The following SCAF8 variants were observed in gnomAD, a reference collection of about 807,000 sequenced individuals.
SCAF8 encodes the protein SR-related CTD associated factor 8, also known as SR-related and CTD-associated factor 8.
In SCAF8, 23 loss-of-function variants were observed where a neutral mutation model predicts 140.5. The observed-to-expected ratio is 0.16, with a 90% CI of 0.12 to 0.23. The LOEUF is 0.23. Ranked by LOEUF, SCAF8 falls within the 10% of genes least tolerant of loss-of-function variation. SCAF8 has a pLI of 1.00. For synonymous variants in SCAF8, 575 were observed against 528.9 expected (o/e 1.09, Z -1.20); for missense variants, 1,397 against 1,555.7 (o/e 0.90, Z 1.72).
chr6:154,824,502 C>G, intron 17 of SCAF8, 124 bp downstream of exon 17: 1 of 839,530 alleles, frequency 1.2e-6, no homozygotes, highest in Non-Finnish European at 1.9e-6. Flanking sequence ...CTTGTTAAAG[C>G]GCAGATTGCT....
chr6:154,779,090 T>A (rs1205263317), intron 3 of SCAF8, among the ~76,000 whole-genome samples: 1 of 152,170 alleles, frequency 6.6e-6, no homozygotes, highest in Non-Finnish European at 1.5e-5. Context: ...TGGAGTGCAG[T>A]ATCAAGATTT....
intron 1 of SCAF8, among the ~76,000 whole-genome samples, chr6:154,740,701 A>ACCTCTG (rs926067281): frequency 6.6e-6 from 1 of 150,800 alleles, no homozygotes; most frequent in Admixed American, 6.6e-5. Context: ...GCTCACTGCA[A>ACCTCTG]CCTCTGCCTC....
chr6:154,757,699 TAGG>T (rs1287427416), intron 1 of SCAF8, among the ~76,000 whole-genome samples: 2 of 152,126 alleles, frequency 1.3e-5, no homozygotes, highest in Non-Finnish European at 2.9e-5. Flanking sequence ...GATGGAAAGA[TAGG>T]AGGGATAGAT....
rs1300392608 is a variant in SCAF8, at chr6:154,833,195, C to A, written c.3616C>A (p.Arg1206=). The change falls in exon 20 of 20, where the codon CGA becomes AGA. Residue 1206 remains arginine (R), a synonymous_variant. Transcript: ENST00000367178. ...TTATTTTGAAGGGGCCACTTCTCAA[C>A]GAAAAGGTGATAATGTGCCTCAGGT... ...FDYFEGATSQ[R]KGDNVPQVNG... 6.2e-7 allele frequency: 1 copy of A among 1,613,986 alleles called. No homozygotes were observed. Among genetic ancestry groups the A allele is most frequent in the South Asian group, 1.1e-5 (1 of 91,072 alleles).
At chr6:154,733,981 C>A (rs765998826) in intron 1 of SCAF8, 51 bp downstream of exon 1, 2 of 1,478,196 alleles carry the variant, frequency 1.4e-6, no homozygotes, top group African/African-American at 1.5e-5. Flanking sequence ...GCCCCCACCC[C>A]TGGTCGAGGC....
Position 154,833,091 on chromosome 6 carries a change from G to C in SCAF8, c.3512G>C (p.Arg1171Thr). 3.1e-6 allele frequency: 5 copies of C among 1,614,118 alleles called. No homozygotes were observed. The highest frequency in any genetic ancestry group is 4.2e-6 in the Non-Finnish European group (5 of 1,180,004). ...DRDDRDFDFC[R>T]EMNGNRLGRD... Reference sequence around the variant, plus strand: ...GATGACAGAGATTTTGATTTCTGCAGAGAAATGAATGGAAATCGTCTTGGA... The same window carrying C: ...GATGACAGAGATTTTGATTTCTGCACAGAAATGAATGGAAATCGTCTTGGA... Residue 1171 changes from arginine (R) to threonine (T), a missense_variant, in exon 20 of 20, where the codon AGA becomes ACA. Coordinates refer to ENST00000367178, the MANE Select transcript of SCAF8 (RefSeq NM_014892.5).
chr6:154,815,428 C>T (rs920072117), intron 12 of SCAF8, among the ~76,000 whole-genome samples: 7 of 152,178 alleles, frequency 4.6e-5, no homozygotes, highest in African/African-American at 1.4e-4. Flanking sequence ...CACTGCATGC[C>T]ACTCATCCTC....
At chr6:154,805,271 T>G in intron 8 of SCAF8, 98 bp from the exon 9 acceptor site, 1 of 655,178 alleles carries the variant, frequency 1.5e-6, no homozygotes, top group Non-Finnish European at 2.7e-6. Flanking sequence ...AGAATATGTT[T>G]TATTGAATTG....
In SCAF8 at chr6:154,822,655, A is replaced by G. The variant is rs562829011; in HGVS notation, c.1926+246A>G. On this transcript the variant is annotated intron_variant, in intron 16 of 19. Coordinates refer to ENST00000367178, the MANE Select transcript of SCAF8 (RefSeq NM_014892.5). The stretch of plus-strand genomic sequence containing the variant: ...ATGGAAATATTGTTTCTGAAAACTC[A>G]GAGGATTTTTTTAGGTTCATGTTTT... Among the ~76,000 whole-genome samples, 35 of 152,204 alleles carry G rather than the reference A, an allele frequency of 2.3e-4. No homozygotes were observed. In the South Asian group the frequency reaches 3.1e-3, roughly 14 times the overall value.
rs181997371 is a variant in SCAF8, at chr6:154,831,898, G to T, written c.2360-41G>T. 3.9e-6 allele frequency: 6 copies of T among 1,524,414 alleles called. No homozygotes were observed. The African/African-American group carries it at 4.2e-5, about 11-fold the overall frequency. The allele number at this position is 1,524,414 out of a possible 1,614,324, so 94.4% of individuals were successfully genotyped here. On this transcript the variant is annotated intron_variant, in intron 19 of 19. Transcript: ENST00000367178. Reference sequence around the variant, plus strand: ...TAAGCTAAAATTATTGGAAACTTTTGACTGTTATTTTGAGTTTTTTCTCTC... The same window carrying T: ...TAAGCTAAAATTATTGGAAACTTTTTACTGTTATTTTGAGTTTTTTCTCTC...
At chr6:154,760,816 C>T (rs1329727087) in intron 1 of SCAF8, among the ~76,000 whole-genome samples, 1 of 152,042 alleles carries the variant, frequency 6.6e-6, no homozygotes, top group Non-Finnish European at 1.5e-5. Context: ...GACCGTCTTG[C>T]TCTGTCACCC....
intron 17 of SCAF8, 117 bp downstream of exon 17, chr6:154,824,495 G>A (rs1778507863): frequency 2.2e-6 from 2 of 895,242 alleles, no homozygotes; most frequent in Non-Finnish European, 3.4e-6. Flanking sequence ...GCATAGCCTT[G>A]TTAAAGCGCA....
chr6:154,805,042 TTTTATAA>T (rs1288888597), intron 8 of SCAF8, among the ~76,000 whole-genome samples: 1 of 152,156 alleles, frequency 6.6e-6, no homozygotes, highest in Non-Finnish European at 1.5e-5. Context: ...TGTTTAAACT[TTTTATAA>T]ATATTGAGAT....
At chr6:154,788,076 T>C in intron 4 of SCAF8, 54 bp downstream of exon 4, 3 of 1,420,834 alleles carry the variant, frequency 2.1e-6, no homozygotes, top group Non-Finnish European at 2.9e-6. Flanking sequence ...CAGTAGCCTC[T>C]TGGTCTTAAT....
intron 19 of SCAF8, 33 bp downstream of exon 19, chr6:154,831,173 G>C (rs1320425957): frequency 1.5e-6 from 2 of 1,359,894 alleles, no homozygotes; most frequent in Admixed American, 4.5e-5. Flanking sequence ...AAAAAAAGAG[G>C]TTGCCTCTCT....
At chr6:154,791,418 G>T (rs1583038208) in intron 4 of SCAF8, among the ~76,000 whole-genome samples, 2 of 152,130 alleles carry the variant, frequency 1.3e-5, no homozygotes, top group Admixed American at 1.3e-4. Context: ...TGAGATTAGG[G>T]TATAAGTAAT....
At chr6:154,796,389 C>CTCTCTCTCTGTCTGTCTGTCTG (rs376622207) in intron 6 of SCAF8, among the ~76,000 whole-genome samples, 3 of 140,968 alleles carry the variant, frequency 2.1e-5, no homozygotes, top group African/African-American at 8.3e-5. Flanking sequence ...CTCTCTCTCT[C>CTCTCTCTCTGTCTGTCTGTCTG]TCTGTCTCTC....
chr6:154,743,131 C>A (rs1225138949), intron 1 of SCAF8, among the ~76,000 whole-genome samples: 1 of 152,126 alleles, frequency 6.6e-6, no homozygotes, highest in Non-Finnish European at 1.5e-5. Flanking sequence ...TGCTTCTTTG[C>A]TAGGGACTAT....
chr6:154,760,331 C>T (rs552664604), intron 1 of SCAF8, among the ~76,000 whole-genome samples: 1 of 152,204 alleles, frequency 6.6e-6, no homozygotes, highest in Non-Finnish European at 1.5e-5. Flanking sequence ...ATTTTCTTTT[C>T]TTCTTTTTTT....
Sources: allele counts gnomAD v4.1 joint callset (sites outside exome capture counted in the v4.1 genomes callset), GRCh38; gene constraint gnomAD v4.1.1; transcripts MANE v1.5; gene names NCBI Gene and HGNC (gene_info 2026-07-23, HGNC 2026-07-21).